Variants in EPHA6 observed in about 807,000 individuals in gnomAD.
EPHA6 encodes EPH receptor A6.
Under a neutral mutation model 112.0 loss-of-function variants are expected in EPHA6, and 50 were observed. The ratio of observed to expected loss-of-function variants is 0.45; its 90% confidence interval spans 0.36 to 0.56. EPHA6 has a LOEUF of 0.56. Ranked by LOEUF, EPHA6 falls within the 20% of genes least tolerant of loss-of-function variation. The probability of loss-of-function intolerance (pLI) is 0.00; values close to 1 mark genes in which losing one functional copy is unlikely to be tolerated. For missense variants in EPHA6, 1,280 were observed against 1,417.4 expected, an observed-to-expected ratio of 0.90 and a Z score of 1.56; for synonymous variants, 529 against 490.7, an observed-to-expected ratio of 1.08 and a Z score of -1.03.
At chr3:96,868,319 A>T (rs1202213799) in intron 2 of EPHA6, among the ~76,000 whole-genome samples, 1 of 151,790 alleles carries the variant, frequency 6.6e-6, no homozygotes, top group Non-Finnish European at 1.5e-5. Context: ...GATTACTGGT[A>T]CTAATGGAGC....
Position 97,505,277 on chromosome 3 carries a change from T to G in EPHA6, c.2200+21218T>G, listed in dbSNP as rs181357286. On this transcript the variant is annotated intron_variant, in intron 10 of 17. Transcript: ENST00000389672. ...CATATGTATACATGTGCTGTGGTGG[T>G]TTGCTGCACCCATCAACCCGTCATC... Among the ~76,000 whole-genome samples the G allele has an allele frequency of 6.5e-3, 997 of 152,280 alleles. 12 individuals are homozygous for G. The highest frequency in any genetic ancestry group is 0.022 in the African/African-American group (917 of 41,558).
chr3:97,418,060 AAAATAAT>A (rs1467566549), intron 6 of EPHA6, among the ~76,000 whole-genome samples: 1 of 152,088 alleles, frequency 6.6e-6, no homozygotes, highest in Non-Finnish European at 1.5e-5. Context: ...AAAAGTTTAA[AAAATAAT>A]AAATGCAATC....
intron 9 of EPHA6, among the ~76,000 whole-genome samples, chr3:97,482,901 C>T (rs1468338324): frequency 2.6e-5 from 4 of 152,134 alleles, no homozygotes; most frequent in Non-Finnish European, 4.4e-5. Context: ...CTAAGATATT[C>T]GGAACGATAG....
At chr3:97,633,011 A>T (rs756887288) in intron 13 of EPHA6, among the ~76,000 whole-genome samples, 8 of 152,066 alleles carry the variant, frequency 5.3e-5, no homozygotes, top group Non-Finnish European at 1.0e-4. Flanking sequence ...GGACACTGAG[A>T]GGCTTGAAGT....
chr3:97,272,297 CGTGTGT>C lies in EPHA6; in HGVS notation c.1606+28041_1606+28046del, dbSNP rs58790255. On this transcript the variant is annotated intron_variant, in intron 5 of 17. Transcript: ENST00000389672. ...TTAAAGGCTGAATAATATTCCATTT[CGTGTGT>C]GTGTGTGTGTGTGTGTGTGTGTGTG... 9.4e-3 allele frequency among the ~76,000 whole-genome samples: 1,411 copies of C among 150,332 alleles called. 24 individuals are homozygous for C. The highest frequency in any genetic ancestry group is 0.026 in the African/African-American group (1,075 of 40,798).
rs187859071 is a variant in EPHA6 at position 97,368,443 on chromosome 3, G to A, written c.1607-36707G>A. On this transcript the variant is annotated intron_variant, in intron 5 of 17. Transcript: ENST00000389672. ...AAATGCTTATGCAAAAATAAATATA[G>A]CATTTTGTTTTCATGAACCATATTG... Among the ~76,000 whole-genome samples, 314 of 151,990 alleles carry A rather than the reference G, an allele frequency of 2.1e-3. 2 individuals are homozygous for A. Among genetic ancestry groups the A allele is most frequent in the African/African-American group, 6.7e-3 (277 of 41,494 alleles).
At chr3:97,499,917 A>C (rs1487818082) in intron 10 of EPHA6, among the ~76,000 whole-genome samples, 1 of 152,004 alleles carries the variant, frequency 6.6e-6, no homozygotes, top group Admixed American at 6.6e-5. Flanking sequence ...AATGTATAAA[A>C]TACAAATATT....
chr3:97,447,698 A>T, intron 6 of EPHA6: 1 of 940,782 alleles, frequency 1.1e-6, no homozygotes, highest in African/African-American at 1.8e-5. Flanking sequence ...GAGACCATGT[A>T]ACAAACCCTG....
intron 10 of EPHA6, among the ~76,000 whole-genome samples, chr3:97,506,096 T>C (rs1266276241): frequency 6.6e-6 from 1 of 152,220 alleles, no homozygotes; most frequent in Non-Finnish European, 1.5e-5. Context: ...CTTTGTCAGA[T>C]GGATAGATTG....
intron 1 of EPHA6, among the ~76,000 whole-genome samples, chr3:96,827,358 G>A (rs1206892632): frequency 1.3e-5 from 2 of 151,980 alleles, no homozygotes; most frequent in African/African-American, 4.8e-5. Flanking sequence ...GAATATTTTT[G>A]GAGGAGTTTA....
At chr3:97,525,250 A>C (rs1001181454) in intron 10 of EPHA6, among the ~76,000 whole-genome samples, 1 of 151,886 alleles carries the variant, frequency 6.6e-6, no homozygotes, top group Non-Finnish European at 1.5e-5. Flanking sequence ...ACAATTTCTA[A>C]TTTTTTTGCA....
intron 5 of EPHA6, among the ~76,000 whole-genome samples, chr3:97,271,078 T>G (rs1194068129): frequency 6.6e-6 from 1 of 152,196 alleles, no homozygotes; most frequent in African/African-American, 2.4e-5. Context: ...TAATGAGTGA[T>G]CAAGGACTAA....
At chr3:97,088,731 C>G (rs1169878624) in intron 3 of EPHA6, among the ~76,000 whole-genome samples, 1 of 152,076 alleles carries the variant, frequency 6.6e-6, no homozygotes, top group African/African-American at 2.4e-5. Context: ...TTTCTTCATT[C>G]CTTTGTACTT....
chr3:97,273,963 G>A (rs1178128298), intron 5 of EPHA6, among the ~76,000 whole-genome samples: 3 of 152,156 alleles, frequency 2.0e-5, no homozygotes, highest in African/African-American at 4.8e-5. Flanking sequence ...GCAAATCCCC[G>A]AGCTTTATGT....
chr3:97,709,586 G>C (rs1009584149), intron 14 of EPHA6, among the ~76,000 whole-genome samples: 3 of 152,234 alleles, frequency 2.0e-5, no homozygotes, highest in African/African-American at 7.2e-5. Flanking sequence ...TATTGGGAAG[G>C]CATGGTTGCT....
chr3:97,756,515 T>C lies in EPHA6; in HGVS notation c.*7814T>C, dbSNP rs1219614102. On this transcript the variant is annotated 3_prime_UTR_variant, in exon 18 of 18. Coordinates refer to ENST00000389672, the MANE Select transcript of EPHA6 (RefSeq NM_001080448.3). ...GCTCTGCATGGAAAGTAAGGTTTAA[T>C]GTGTATAAATGTTTGTCATTGAAGT... Among the ~76,000 whole-genome samples the C allele has an allele frequency of 6.6e-6, 1 of 151,976 alleles. No individual in the cohort carries two copies. Among genetic ancestry groups the C allele is most frequent in the East Asian group, 1.9e-4 (1 of 5,200 alleles).
intron 2 of EPHA6, among the ~76,000 whole-genome samples, chr3:96,962,715 C>A (rs4621347): frequency 0.076 from 11,513 of 151,548 alleles, 748 homozygotes; most frequent in Admixed American, 0.22. Flanking sequence ...CAACATTGAC[C>A]TTGCCTGTGC....
At chr3:97,582,649 T>C (rs1355568332) in intron 11 of EPHA6, among the ~76,000 whole-genome samples, 1 of 152,222 alleles carries the variant, frequency 6.6e-6, no homozygotes, top group Admixed American at 6.5e-5. Context: ...TTTCTTTGGC[T>C]GCTTTCAATT....
At chr3:97,735,567 T>C (rs1199931953) in intron 15 of EPHA6, among the ~76,000 whole-genome samples, 1 of 152,046 alleles carries the variant, frequency 6.6e-6, no homozygotes, top group Admixed American at 6.6e-5. Flanking sequence ...TGTTATATGT[T>C]ATTTGCACTA....
Sources: gnomAD v4.1 joint callset for allele counts (sites outside exome capture counted in the v4.1 genomes callset) on GRCh38, gnomAD v4.1.1 for gene constraint, MANE v1.5 for transcripts, NCBI Gene and HGNC (gene_info 2026-07-23, HGNC 2026-07-21) for gene names.